ZSWIM2: variants seen among roughly 807,000 people sequenced by gnomAD.
The protein encoded by ZSWIM2 is E3 ubiquitin-protein ligase ZSWIM2.
A neutral mutation model predicts 48.4 loss-of-function variants in ZSWIM2; 38 were observed. That is an observed-to-expected ratio of 0.79 (90% CI 0.61 to 1.03). The LOEUF (loss-of-function observed/expected upper bound fraction) is 1.03, where lower values mean the gene tolerates loss of function less well. ZSWIM2 is among the 50% of genes least tolerant of loss of function. The pLI is 0.00. For missense variants in ZSWIM2, 776 were observed against 730.2 expected (o/e 1.06, Z -0.72); for synonymous variants, 240 against 251.3 (o/e 0.96, Z 0.42).
At chr2:186,838,873 C>A in intron 4 of ZSWIM2, 86 bp downstream of exon 4, 1 of 1,180,672 alleles carries the variant, frequency 8.5e-7, no homozygotes, top group South Asian at 1.8e-5. Flanking sequence ...CTATTTTTTC[C>A]CTATCATGTC....
chr2:186,829,527 C>A (rs1691661027), intron 8 of ZSWIM2, among the ~76,000 whole-genome samples, 200 bp downstream of exon 8: 1 of 151,770 alleles, frequency 6.6e-6, no homozygotes, highest in Non-Finnish European at 1.5e-5. Flanking sequence ...GAAATGAGTA[C>A]TAATTAATAT....
Position 186,838,999 on chromosome 2 carries a change from C to A in ZSWIM2, c.454G>T (p.Glu152Ter). ...GGAAGCTTTTTCTCTAAAAGTAGCT[C>A]TTGACAAATAGAGCAGATATCCTCT... is the stretch of plus-strand genomic sequence containing the variant. The part of the protein sequence containing the change: ...DSEDICSICQ[E>*]LLLEKKLPVT... The change falls in exon 4 of 9, where the codon GAG (glutamate) becomes TAG (stop). Residue 152 changes from glutamate to a stop codon, truncating the protein, a stop_gained. Coordinates refer to ENST00000295131, the MANE Select transcript of ZSWIM2 (RefSeq NM_182521.3). LOFTEE classifies it high-confidence loss of function. The A allele has an allele frequency of 6.2e-7, 1 of 1,610,214 alleles. No homozygotes were observed. Among genetic ancestry groups the A allele is most frequent in the Non-Finnish European group, 8.5e-7 (1 of 1,177,548 alleles).
chr2:186,834,254 T>C (rs748054291), intron 5 of ZSWIM2, among the ~76,000 whole-genome samples: 1 of 152,072 alleles, frequency 6.6e-6, no homozygotes, highest in African/African-American at 2.4e-5. Context: ...TGGATAGAAG[T>C]CTGAGATGAG....
intron 4 of ZSWIM2, 62 bp downstream of exon 4, chr2:186,838,897 A>C: frequency 1.4e-6 from 2 of 1,476,200 alleles, no homozygotes; most frequent in Non-Finnish European, 1.8e-6. Flanking sequence ...TAAGGTAATA[A>C]ATCAGAAATA....
intron 7 of ZSWIM2, among the ~76,000 whole-genome samples, chr2:186,831,690 C>G (rs1050962815): frequency 7.9e-5 from 12 of 151,980 alleles, no homozygotes; most frequent in African/African-American, 2.9e-4. Context: ...GAATACTATG[C>G]AGCCATAAAA....
In ZSWIM2 at chr2:186,847,563, GA is replaced by G. The variant is rs556382659; in HGVS notation, c.242+155del. On this transcript the variant is annotated intron_variant, in intron 2 of 8. Coordinates refer to ENST00000295131, the MANE Select transcript of ZSWIM2 (RefSeq NM_182521.3). ...AATTTTCAGAATAAAATGAAATACT[GA>G]AAAATTTATTGGTAAGCTATGACCA... 1.8e-3 allele frequency among the ~76,000 whole-genome samples: 276 copies of G among 152,176 alleles called. 1 individual carries two copies. Among genetic ancestry groups the G allele is most frequent in the Middle Eastern group, 6.8e-3 (2 of 294 alleles).
At chr2:186,846,784 A>G (rs1311289999) in intron 2 of ZSWIM2, among the ~76,000 whole-genome samples, 1 of 98,900 alleles carries the variant, frequency 1.0e-5, no homozygotes, top group Non-Finnish European at 2.0e-5. Flanking sequence ...TGTGTGTATA[A>G]ACATATATAT....
At chr2:186,832,587 C>T (rs2105816701) in intron 7 of ZSWIM2, among the ~76,000 whole-genome samples, 1 of 152,246 alleles carries the variant, frequency 6.6e-6, no homozygotes, top group East Asian at 1.9e-4. Flanking sequence ...AAAAGACTTT[C>T]TTCCCCCAAA....
At position 186,828,666 on chromosome 2, in the gene ZSWIM2, G is replaced by C. The variant is rs142085122; in HGVS notation, c.1220C>G (p.Ser407Cys). The change falls in exon 9 of 9, where the codon TCT (serine) becomes TGT (cysteine). Residue 407 changes from serine to cysteine, a missense_variant. Physicochemically the swap from Ser to Cys is moderately radical, Grantham distance 112. Transcript: ENST00000295131. The part of the protein sequence containing the change: ...NSAVNGQAHQ[S>C]VSNRDIIHLS... ...ATGAATGATGTCTCTGTTTGAAACA[G>C]ACTGATGTGCTTGTCCATTCACTGC... 5.8e-4 allele frequency: 929 copies of C among 1,613,176 alleles called. 2 individuals carry two copies. The highest frequency in any genetic ancestry group is 4.0e-4 in the Non-Finnish European group (475 of 1,179,624).
rs780115062 is a variant in ZSWIM2 at position 186,839,077 on chromosome 2, C to T, written c.376G>A (p.Glu126Lys). ...CCATCTTCTTCAACATGTTCATTTTCGTCATTTGTTCCTGGTTGGGGAGTT... is the reference window on the plus strand; with the variant it reads ...CCATCTTCTTCAACATGTTCATTTTTGTCATTTGTTCCTGGTTGGGGAGTT... ...VQTPQPGTND[E>K]NEHVEEDGYI... The change falls in exon 4 of 9, where the codon GAA becomes AAA. Residue 126 changes from glutamate (E) to lysine (K), a missense_variant. Coordinates refer to ENST00000295131, the MANE Select transcript of ZSWIM2 (RefSeq NM_182521.3). 14 of 1,611,818 alleles carry T rather than the reference C, an allele frequency of 8.7e-6. No individual in the cohort carries two copies. Among genetic ancestry groups the T allele is most frequent in the African/African-American group, 1.3e-5 (1 of 74,880 alleles).
rs1691862449 is a variant in ZSWIM2, at chr2:186,839,344, AAAAG to A, written c.284-179_284-176del. Among the ~76,000 whole-genome samples the A allele has an allele frequency of 2.0e-5, 3 of 151,874 alleles. No homozygotes were observed. In the South Asian group the frequency reaches 6.2e-4, roughly 32 times the overall value. On this transcript the variant is annotated intron_variant, in intron 3 of 8. Coordinates refer to ENST00000295131, the MANE Select transcript of ZSWIM2 (RefSeq NM_182521.3). Reference sequence around the variant, plus strand: ...ATTTTTTTCAGAGCCAAAATGTCAGAAAAGAGTCATTTAAAAAAATATAAAAATT... The same window carrying A: ...ATTTTTTTCAGAGCCAAAATGTCAGAAGTCATTTAAAAAAATATAAAAATT...
intron 2 of ZSWIM2, among the ~76,000 whole-genome samples, chr2:186,845,199 A>G (rs1267901877): frequency 4.0e-5 from 6 of 151,406 alleles, no homozygotes; most frequent in Admixed American, 2.6e-4. Flanking sequence ...TTTTACCAAT[A>G]AAATGGAATG....
intron 4 of ZSWIM2, 49 bp from the exon 5 acceptor site, chr2:186,837,603 A>G (rs1377087251): frequency 3.5e-6 from 4 of 1,153,348 alleles, no homozygotes; most frequent in Admixed American, 4.2e-5. Flanking sequence ...GCAGTTTTAC[A>G]TATCCATTGT....
chr2:186,846,927 TAGAA>T (rs1392624334), intron 2 of ZSWIM2, among the ~76,000 whole-genome samples: 1 of 151,448 alleles, frequency 6.6e-6, no homozygotes, highest in Non-Finnish European at 1.5e-5. Flanking sequence ...AATTCGGAAA[TAGAA>T]AGTCAAATAC....
chr2:186,846,804 C>CATATAT (rs1482636097), intron 2 of ZSWIM2, among the ~76,000 whole-genome samples: 10 of 39,778 alleles, frequency 2.5e-4, no homozygotes, highest in African/African-American at 1.3e-3. Context: ...TATACACACA[C>CATATAT]ACACACATAT....
At chr2:186,830,555 T>A (rs1321231775) in intron 7 of ZSWIM2, among the ~76,000 whole-genome samples, 1 of 152,182 alleles carries the variant, frequency 6.6e-6, no homozygotes, top group Non-Finnish European at 1.5e-5. Context: ...CAATTTACTC[T>A]GTCTTCTGGT....
intron 8 of ZSWIM2, among the ~76,000 whole-genome samples, chr2:186,829,182 A>G (rs1473667002): frequency 6.6e-6 from 1 of 152,132 alleles, no homozygotes; most frequent in Non-Finnish European, 1.5e-5. Context: ...AAATAAAACA[A>G]TTAGCCATTT....
intron 8 of ZSWIM2, among the ~76,000 whole-genome samples, chr2:186,829,311 G>A (rs559394564): frequency 1.3e-4 from 20 of 152,134 alleles, no homozygotes; most frequent in African/African-American, 4.6e-4. Flanking sequence ...ATTATATAGT[G>A]ATCAAGTAGT....
chr2:186,834,373 A>G (rs180876946), intron 5 of ZSWIM2, among the ~76,000 whole-genome samples: 12 of 152,158 alleles, frequency 7.9e-5, no homozygotes, highest in Admixed American at 5.9e-4. Context: ...GGGGTCCCCA[A>G]CCCCAGGCGC....
Sources: gnomAD v4.1 joint callset for allele counts (sites outside exome capture counted in the v4.1 genomes callset) on GRCh38, gnomAD v4.1.1 for gene constraint, MANE v1.5 for transcripts, NCBI Gene and HGNC (gene_info 2026-07-23, HGNC 2026-07-21) for gene names.